Variants in UNC79 observed in about 807,000 individuals in gnomAD.
UNC79 encodes unc-79 subunit of NALCN channel complex.
Under a neutral mutation model 283.1 loss-of-function variants are expected in UNC79, and 37 were observed. The ratio of observed to expected loss-of-function variants is 0.13; its 90% CI spans 0.10 to 0.17. UNC79 has a LOEUF of 0.17. UNC79 is among the 10% of genes least tolerant of loss of function. UNC79 has a pLI of 1.00. For missense variants in UNC79, 2,272 were observed against 3,211.1 expected, an observed-to-expected ratio of 0.71 and a Z score of 7.07; for synonymous variants, 1,107 against 1,200.2, an observed-to-expected ratio of 0.92 and a Z score of 1.61.
intron 27 of UNC79, among the ~76,000 whole-genome samples, chr14:93,616,129 T>A (rs1344950816): frequency 6.6e-6 from 1 of 152,134 alleles, no homozygotes; most frequent in African/African-American, 2.4e-5. Flanking sequence ...TGTAAATAAA[T>A]TTGTATCATA....
At chr14:93,550,599 T>C (rs1179846764) in intron 14 of UNC79, among the ~76,000 whole-genome samples, 1 of 151,454 alleles carries the variant, frequency 6.6e-6, no homozygotes, top group Non-Finnish European at 1.5e-5. Flanking sequence ...CAAAATAATG[T>C]AAGTAAGAAA....
chr14:93,407,670 GA>G (rs1025123265), intron 1 of UNC79, among the ~76,000 whole-genome samples: 7 of 151,910 alleles, frequency 4.6e-5, no homozygotes, highest in Admixed American at 2.6e-4. Flanking sequence ...AAATGCAGGG[GA>G]AAAAAAGGTA....
Position 93,617,413 on chromosome 14 carries a change from T to A in UNC79, c.4224+109T>A. 8.2e-7 allele frequency: 1 copy of A among 1,215,942 alleles called. No homozygotes were observed. The highest frequency in any genetic ancestry group is 1.5e-5 in the African/African-American group (1 of 66,000). 75.3% of individuals were successfully genotyped at this position (1,215,942 alleles called of 1,614,324 possible). On this transcript the variant is annotated intron_variant, in intron 28 of 48. Coordinates refer to ENST00000555664, the Ensembl canonical transcript of UNC79. This position sits in a 1 kb window ranked among gnomAD's most constrained non-coding sequence, Gnocchi z 4.5. ...TTGAAAATTTTGTAGAAGTTTGACC[T>A]TCAGAAGGAAGATCAGGATATGCAA...
rs753210291 is a variant in UNC79, at chr14:93,613,010, G to T, written c.3968G>T (p.Gly1323Val). The change falls in exon 27 of 49, where the codon GGT (glycine) becomes GTT (valine). Residue 1323 changes from glycine to valine, a missense_variant. Coordinates refer to ENST00000555664, the Ensembl canonical transcript of UNC79. ...TTACTCGGCTATGACCAGCAGGAAG[G>T]TTGCTTCATGATTGCACCTCAAAAA... 3 of 1,614,068 alleles carry T rather than the reference G, an allele frequency of 1.9e-6. No individual in the cohort carries two copies. In the African/African-American group the frequency reaches 4.0e-5, roughly 22 times the overall value.
At chr14:93,573,761 C>T (rs985960938) in intron 16 of UNC79, among the ~76,000 whole-genome samples, 4 of 152,210 alleles carry the variant, frequency 2.6e-5, no homozygotes, top group African/African-American at 4.8e-5. Context: ...AATCCCAGAA[C>T]TTTGGGAGGC....
intron 14 of UNC79, among the ~76,000 whole-genome samples, chr14:93,557,367 C>A: frequency 6.7e-6 from 1 of 148,448 alleles, no homozygotes; most frequent in East Asian, 2.1e-4. Context: ...GGGTAGTGAC[C>A]AACAAGGAAT....
At chr14:93,607,310 C>T (rs1445790882) in intron 26 of UNC79, among the ~76,000 whole-genome samples, 1 of 152,080 alleles carries the variant, frequency 6.6e-6, no homozygotes, top group Non-Finnish European at 1.5e-5. Context: ...CATAATTAAA[C>T]AATAATAGGT....
At chr14:93,686,656 C>T in exon 43 of UNC79, 1 of 1,614,092 alleles carries the variant, frequency 6.2e-7, no homozygotes, top group Non-Finnish European at 8.5e-7. Flanking sequence ...GCTGACCAAA[C>T]TGAAGGTGAG....
chr14:93,421,776 T>TAAAAA (rs35643188), intron 1 of UNC79, among the ~76,000 whole-genome samples: 1 of 144,570 alleles, frequency 6.9e-6, no homozygotes, highest in Non-Finnish European at 1.5e-5. Flanking sequence ...GGAGATAGCT[T>TAAAAA]AAAAAAAAAA....
At chr14:93,664,589 T>A (rs2071961873) in intron 40 of UNC79, among the ~76,000 whole-genome samples, 1 of 151,918 alleles carries the variant, frequency 6.6e-6, no homozygotes, top group Non-Finnish European at 1.5e-5. Flanking sequence ...GGTAAAAGGG[T>A]GGTTTGGAAA....
intron 20 of UNC79, among the ~76,000 whole-genome samples, chr14:93,583,866 C>G (rs1010110788): frequency 1.3e-5 from 2 of 149,836 alleles, no homozygotes; most frequent in Non-Finnish European, 3.0e-5. Context: ...AGTGCAGGAG[C>G]CCGATCACGG....
chr14:93,353,639 C>T (rs1595378648), intron 1 of UNC79, among the ~76,000 whole-genome samples: 1 of 152,166 alleles, frequency 6.6e-6, no homozygotes, highest in African/African-American at 2.4e-5. Context: ...TTAACATTTC[C>T]TCTTGAATAT....
intron 35 of UNC79, among the ~76,000 whole-genome samples, chr14:93,653,256 T>C (rs1179009426): frequency 6.6e-6 from 1 of 151,972 alleles, no homozygotes; most frequent in African/African-American, 2.4e-5. Context: ...TTTTTACAAG[T>C]GTCAGCTCAG....
chr14:93,494,533 C>A (rs2058928802), intron 5 of UNC79, among the ~76,000 whole-genome samples: 1 of 152,154 alleles, frequency 6.6e-6, no homozygotes, highest in Non-Finnish European at 1.5e-5. Flanking sequence ...TATTATGGGT[C>A]TGGAGCTCAG....
chr14:93,418,303 G>C (rs2055508967), intron 1 of UNC79, among the ~76,000 whole-genome samples: 2 of 151,338 alleles, frequency 1.3e-5, no homozygotes, highest in African/African-American at 4.9e-5. Flanking sequence ...CTGTTTGCCT[G>C]GGTACCAGCA....
chr14:93,635,216 C>T (rs1379493479), intron 31 of UNC79, among the ~76,000 whole-genome samples: 1 of 152,174 alleles, frequency 6.6e-6, no homozygotes, highest in Non-Finnish European at 1.5e-5. Context: ...TAAACATGAT[C>T]ACTCTGCATT....
At chr14:93,490,561 C>G (rs1205841909) in intron 5 of UNC79, among the ~76,000 whole-genome samples, 2 of 152,198 alleles carry the variant, frequency 1.3e-5, no homozygotes, top group African/African-American at 4.8e-5. Flanking sequence ...GACATGAACA[C>G]AATTCAGCCA....
At chr14:93,506,880 C>G (rs953159986) in intron 7 of UNC79, among the ~76,000 whole-genome samples, 1 of 152,174 alleles carries the variant, frequency 6.6e-6, no homozygotes, top group Non-Finnish European at 1.5e-5. Context: ...TCCATCAACC[C>G]AGAAAATAAT....
chr14:93,426,472 C>G (rs889305010), upstream of UNC79, among the ~76,000 whole-genome samples: 3 of 150,300 alleles, frequency 2.0e-5, no homozygotes, highest in Non-Finnish European at 4.4e-5. Flanking sequence ...GTATTTTTAT[C>G]CTCTTCTTCT....
Sources: allele counts gnomAD v4.1 joint callset (sites outside exome capture counted in the v4.1 genomes callset), GRCh38; gene constraint gnomAD v4.1.1; non-coding constraint Gnocchi (gnomAD v3.1); transcripts MANE v1.5; gene names NCBI Gene and HGNC (gene_info 2026-07-23, HGNC 2026-07-21).